Variants in DAB1 observed in about 807,000 individuals in gnomAD.
DAB1 encodes the protein disabled homolog 1.
Under a neutral mutation model 64.6 loss-of-function variants are expected in DAB1, and 15 were observed. That is an observed-to-expected ratio of 0.23 (90% CI 0.16 to 0.36). The LOEUF (loss-of-function observed/expected upper bound fraction) is 0.36. Ranked by LOEUF, DAB1 falls within the 10% of genes least tolerant of loss-of-function variation. The pLI is 1.00. For missense variants in DAB1, 596 were observed against 706.7 expected (o/e 0.84, Z 1.78); for synonymous variants, 235 against 251.9 (o/e 0.93, Z 0.64).
At chr1:58,061,160 T>C (rs754117693) in intron 5 of DAB1, among the ~76,000 whole-genome samples, 1 of 152,168 alleles carries the variant, frequency 6.6e-6, no homozygotes, top group Non-Finnish European at 1.5e-5. Flanking sequence ...TATCAGAGAA[T>C]ATGCAGTGAC....
At chr1:58,268,196 A>C (rs1398020331) in intron 4 of DAB1, among the ~76,000 whole-genome samples, 2 of 152,178 alleles carry the variant, frequency 1.3e-5, no homozygotes, top group African/African-American at 4.8e-5. Flanking sequence ...ATTCTTTTAT[A>C]GCCATATTTT....
chr1:58,013,893 C>CTTTTTTT (rs11340354), intron 5 of DAB1, among the ~76,000 whole-genome samples: 2 of 137,046 alleles, frequency 1.5e-5, no homozygotes, highest in Non-Finnish European at 1.6e-5. Context: ...TTCTTTTTTT[C>CTTTTTTT]TTTTTTTTTT....
At chr1:57,118,906 G>A (rs12405019) in intron 4 of DAB1, among the ~76,000 whole-genome samples, 1,621 of 152,238 alleles carry the variant, frequency 0.011, 15 homozygotes, top group Middle Eastern at 0.024. Context: ...GAAATAGCTC[G>A]CATTTATGAT....
At chr1:57,084,493 G>A (rs1036680484) in intron 4 of DAB1, among the ~76,000 whole-genome samples, 5 of 152,186 alleles carry the variant, frequency 3.3e-5, no homozygotes, top group Admixed American at 6.5e-5. Flanking sequence ...ACAGCCCTTG[G>A]AAACTAAATA....
intron 7 of DAB1, among the ~76,000 whole-genome samples, chr1:57,464,877 GT>G (rs59090758): frequency 0.028 from 4,008 of 144,154 alleles, 167 homozygotes; most frequent in African/African-American, 0.09. Context: ...TACACATCAA[GT>G]TTTTTTTTTT....
intron 1 of DAB1, among the ~76,000 whole-genome samples, chr1:57,853,097 ATAATTAATTACAATC>A (rs1653605614): frequency 6.6e-6 from 1 of 152,216 alleles, no homozygotes. Context: ...AAAATAACAT[ATAATTAATTACAATC>A]TGTTTCTTCC....
chr1:58,430,914 C>T (rs1644863840), intron 3 of DAB1, among the ~76,000 whole-genome samples: 2 of 152,186 alleles, frequency 1.3e-5, no homozygotes, highest in Non-Finnish European at 2.9e-5. Context: ...CCAAGTCTTT[C>T]CCAGAGGCCC....
intron 1 of DAB1, chr1:58,546,558 C>G (rs1421099276): frequency 6.6e-6 from 1 of 151,800 alleles, no homozygotes; most frequent in African/African-American, 2.4e-5. Flanking sequence ...CCCGTACCCC[C>G]ATCCCCAAGG....
At chr1:58,251,731 G>A (rs951649914) in intron 4 of DAB1, among the ~76,000 whole-genome samples, 5 of 152,192 alleles carry the variant, frequency 3.3e-5, no homozygotes, top group Admixed American at 6.5e-5. Flanking sequence ...AAATTGACTT[G>A]ATGCTAAGTT....
intron 2 of DAB1, among the ~76,000 whole-genome samples, chr1:57,223,367 G>A (rs979696098): frequency 1.3e-5 from 2 of 152,112 alleles, no homozygotes; most frequent in Admixed American, 6.5e-5. Flanking sequence ...TTTGGTCCAG[G>A]GGTATGCAGC....
upstream of DAB1, among the ~76,000 whole-genome samples, chr1:57,888,132 G>A (rs888145000): frequency 1.2e-4 from 18 of 152,096 alleles, no homozygotes; most frequent in African/African-American, 4.1e-4. Context: ...GATGATTAAT[G>A]CTAATTTGAA....
chr1:57,983,835 T>C (rs781061983), intron 5 of DAB1, among the ~76,000 whole-genome samples: 1 of 152,114 alleles, frequency 6.6e-6, no homozygotes, highest in Non-Finnish European at 1.5e-5. Context: ...TCAAAGCAAT[T>C]AGAGTGTCTA....
At chr1:58,361,088 A>G (rs554048670) in intron 3 of DAB1, among the ~76,000 whole-genome samples, 1 of 152,316 alleles carries the variant, frequency 6.6e-6, no homozygotes, top group African/African-American at 2.4e-5. Flanking sequence ...CCCACCTAAG[A>G]AGTGAAACAC....
At chr1:57,886,484 T>C (rs1224243385), upstream of DAB1, among the ~76,000 whole-genome samples, 1 of 152,198 alleles carries the variant, frequency 6.6e-6, no homozygotes, top group Non-Finnish European at 1.5e-5. Context: ...ACATTTATCA[T>C]CATACCACCA....
At chr1:58,412,020 T>C (rs1644677006) in intron 3 of DAB1, among the ~76,000 whole-genome samples, 2 of 152,226 alleles carry the variant, frequency 1.3e-5, no homozygotes, top group South Asian at 2.1e-4. Context: ...TTTCAGGCTA[T>C]GTTGCACAAA....
At chr1:57,116,096 A>G (rs530521662) in intron 4 of DAB1, among the ~76,000 whole-genome samples, 2 of 152,122 alleles carry the variant, frequency 1.3e-5, no homozygotes, top group Non-Finnish European at 2.9e-5. Flanking sequence ...AGCTCCACAG[A>G]CTGTGTCCAA....
intron 5 of DAB1, among the ~76,000 whole-genome samples, chr1:58,053,759 C>T (rs1647865839): frequency 6.6e-6 from 1 of 152,320 alleles, no homozygotes; most frequent in East Asian, 1.9e-4. Flanking sequence ...TCTTCCCTTT[C>T]CTAGTTATGG....
intron 1 of DAB1, among the ~76,000 whole-genome samples, chr1:57,369,046 T>C (rs189700906): frequency 6.6e-6 from 1 of 152,120 alleles, no homozygotes; most frequent in African/African-American, 2.4e-5. Context: ...AGAAAATGCA[T>C]AAAAGAATGC....
At chr1:58,247,718 G>A (rs943225016) in intron 4 of DAB1, among the ~76,000 whole-genome samples, 1 of 151,966 alleles carries the variant, frequency 6.6e-6, no homozygotes, top group African/African-American at 2.4e-5. Context: ...CTCCCTCTTA[G>A]GGCTAGTATT....
Sources: gnomAD v4.1 joint callset for allele counts (sites outside exome capture counted in the v4.1 genomes callset) on GRCh38, gnomAD v4.1.1 for gene constraint, MANE v1.5 for transcripts, NCBI Gene and HGNC (gene_info 2026-07-23, HGNC 2026-07-21) for gene names.